The following RDH10 variants were observed in gnomAD, a reference collection of about 807,000 sequenced individuals.
RDH10 encodes retinol dehydrogenase 10.
RDH10 carries 12 observed loss-of-function variants against 30.2 expected under a neutral mutation model. The observed-to-expected ratio is 0.40, with a 90% CI of 0.25 to 0.64. RDH10 has a LOEUF of 0.64. RDH10 is among the 30% of genes least tolerant of loss of function. RDH10 has a pLI of 0.43. For missense variants in RDH10, 268 were observed against 445.2 expected (o/e 0.60, Z 3.58); for synonymous variants, 189 against 172.2 (o/e 1.10, Z -0.76).
chr8:73,311,843 A>G (rs1814569601), intron 2 of RDH10: 1 of 152,238 alleles, frequency 6.6e-6, no homozygotes, highest in South Asian at 2.1e-4. Flanking sequence ...TTCTGTCTCT[A>G]CAAACATACC....
chr8:73,312,319 T>C (rs1193905937), intron 2 of RDH10: 2 of 152,230 alleles, frequency 1.3e-5, no homozygotes, highest in African/African-American at 4.8e-5. Context: ...GATGGCTTTT[T>C]TGAATTGATC....
intron 2 of RDH10, among the ~76,000 whole-genome samples, chr8:73,317,012 G>A (rs1223116739): frequency 1.3e-5 from 2 of 152,044 alleles, no homozygotes; most frequent in African/African-American, 2.4e-5. Context: ...GATCCAAACC[G>A]TATCACTAGC....
At position 73,300,711 on chromosome 8, in the gene RDH10, C is replaced by T. The variant is rs547708205; in HGVS notation, c.525+3282C>T. On this transcript the variant is annotated intron_variant, in intron 2 of 5. Coordinates refer to ENST00000240285, the MANE Select transcript of RDH10 (RefSeq NM_172037.5). ...AAGCTGTGGGCACTCCCAAACCAGTCCACATGCTATTCCCTCTACCTGAAA... is the reference window on the plus strand; with the variant it reads ...AAGCTGTGGGCACTCCCAAACCAGTTCACATGCTATTCCCTCTACCTGAAA... Among the ~76,000 whole-genome samples the T allele has an allele frequency of 2.0e-5, 3 of 152,336 alleles. No homozygotes were observed. In the South Asian group the frequency reaches 6.2e-4, roughly 32 times the overall value.
At chr8:73,297,999 G>T (rs2130354578) in intron 2 of RDH10, 1 of 158,046 alleles carries the variant, frequency 6.3e-6, no homozygotes, top group South Asian at 1.8e-4. Flanking sequence ...ACCCTAATAG[G>T]ACCCTAGAGA....
Position 73,321,024 on chromosome 8 carries a change from C to T in RDH10, c.717C>T (p.Thr239=). ...KAAEKDGIKT[T]LVCPYLVDTG... ...CTGAAAAGGATGGAATTAAAACAAC[C>T]TTGGTTTGCCCTTATCTTGTAGACA... Residue 239 remains threonine (T), a synonymous_variant, in exon 4 of 6, where the codon ACC becomes ACT. Coordinates refer to ENST00000240285, the MANE Select transcript of RDH10 (RefSeq NM_172037.5). The T allele has an allele frequency of 5.6e-6, 9 of 1,614,136 alleles. No individual in the cohort carries two copies. Among genetic ancestry groups the T allele is most frequent in the Non-Finnish European group, 7.6e-6 (9 of 1,179,990 alleles).
intron 1 of RDH10, among the ~76,000 whole-genome samples, chr8:73,296,310 T>C (rs1013380997): frequency 4.2e-4 from 64 of 152,160 alleles, no homozygotes; most frequent in African/African-American, 1.5e-3. Context: ...AATTTGATAA[T>C]GGCTGTTGGT....
chr8:73,295,462 G>T lies in RDH10; in HGVS notation c.173G>T (p.Arg58Leu). 6.4e-7 allele frequency: 1 copy of T among 1,551,336 alleles called. No homozygotes were observed. The highest frequency in any genetic ancestry group is 2.4e-5 in the East Asian group (1 of 41,148). Residue 58 changes from arginine (R) to leucine (L), a missense_variant, in exon 1 of 6, where the codon CGG becomes CTG. Arg to Leu is a moderately radical substitution (Grantham distance 102). Coordinates refer to ENST00000240285, the MANE Select transcript of RDH10 (RefSeq NM_172037.5). Reference protein sequence around the residue: ...LGRLFALEFARRRALLVLWDI... With the variant: ...LGRLFALEFALRRALLVLWDI... Reference sequence around the variant, plus strand: ...CGCCTCTTCGCGCTGGAGTTCGCCCGGCGTCGGGCGCTGCTGGTGCTGTGG... The same window carrying T: ...CGCCTCTTCGCGCTGGAGTTCGCCCTGCGTCGGGCGCTGCTGGTGCTGTGG...
chr8:73,304,316 A>C (rs984988635), intron 2 of RDH10, among the ~76,000 whole-genome samples: 2 of 152,026 alleles, frequency 1.3e-5, no homozygotes, highest in African/African-American at 4.8e-5. Flanking sequence ...CCAAATCCTG[A>C]CTATTTGCTT....
At chr8:73,306,772 G>C (rs1001995716) in intron 2 of RDH10, among the ~76,000 whole-genome samples, 1 of 152,180 alleles carries the variant, frequency 6.6e-6, no homozygotes, top group African/African-American at 2.4e-5. Context: ...CATGCTGCTT[G>C]CATAAAATGT....
chr8:73,297,119 G>C, intron 1 of RDH10, 75 bp from the exon 2 acceptor site: 2 of 838,268 alleles, frequency 2.4e-6, no homozygotes, highest in Non-Finnish European at 4.1e-6. Context: ...TTGTCCTACT[G>C]ATCGCCATGT....
At chr8:73,321,853 G>A (rs1407815202) in intron 4 of RDH10, 1 of 456,248 alleles carries the variant, frequency 2.2e-6, no homozygotes, top group Admixed American at 2.3e-5. Context: ...CAAAATAGGT[G>A]GAAGGTGATT....
At chr8:73,320,030 C>A (rs1211950470) in intron 3 of RDH10, among the ~76,000 whole-genome samples, 1 of 152,160 alleles carries the variant, frequency 6.6e-6, no homozygotes, top group Non-Finnish European at 1.5e-5. Context: ...TGAAGTTGGG[C>A]CATGGACAAT....
At chr8:73,306,299 A>G (rs1348335214) in intron 2 of RDH10, among the ~76,000 whole-genome samples, 1 of 152,242 alleles carries the variant, frequency 6.6e-6, no homozygotes, top group African/African-American at 2.4e-5. Context: ...AGGGGACGCA[A>G]ACCTTTTCAT....
At chr8:73,313,689 A>T (rs1158977866) in intron 2 of RDH10, among the ~76,000 whole-genome samples, 1 of 152,064 alleles carries the variant, frequency 6.6e-6, no homozygotes, top group Non-Finnish European at 1.5e-5. Flanking sequence ...TGACTTTGAG[A>T]CCCCCTAGAT....
At chr8:73,321,148 A>AC in intron 4 of RDH10, 71 bp downstream of exon 4, 2 of 1,291,154 alleles carry the variant, frequency 1.5e-6, no homozygotes, top group Admixed American at 2.1e-5. Context: ...GGACTTTCAA[A>AC]CATAACCTTG....
intron 2 of RDH10, among the ~76,000 whole-genome samples, chr8:73,305,101 T>C (rs1814444656): frequency 6.6e-6 from 1 of 152,254 alleles, no homozygotes; most frequent in African/African-American, 2.4e-5. Flanking sequence ...ACTGACTGAA[T>C]AGCTTTCTCA....
In RDH10 at chr8:73,324,933, A is replaced by G. The variant is rs1445247410; in HGVS notation, c.*1897A>G. The G allele has an allele frequency of 6.6e-6, 1 of 152,206 alleles. No homozygotes were observed. Among genetic ancestry groups the G allele is most frequent in the Non-Finnish European group, 1.5e-5 (1 of 68,036 alleles). 9.4% of individuals were successfully genotyped at this position (152,206 alleles called of 1,614,324 possible). On this transcript the variant is annotated 3_prime_UTR_variant, in exon 6 of 6. Coordinates refer to ENST00000240285, the MANE Select transcript of RDH10 (RefSeq NM_172037.5). ...TATATGTTTCCATTTCTCTTTATCA[A>G]AGATAACCAAACCTTATGGCCCTTA... is the stretch of plus-strand genomic sequence containing the variant.
chr8:73,307,497 C>T (rs1814483893), intron 2 of RDH10, among the ~76,000 whole-genome samples: 2 of 152,170 alleles, frequency 1.3e-5, no homozygotes, highest in Admixed American at 1.3e-4. Context: ...TTTTATATAG[C>T]ACTTAAATTT....
chr8:73,304,565 C>G (rs1487570189), intron 2 of RDH10, among the ~76,000 whole-genome samples: 1 of 152,102 alleles, frequency 6.6e-6, no homozygotes, highest in Non-Finnish European at 1.5e-5. Flanking sequence ...GCATCCTGGG[C>G]CTTCCAAAGC....
Sources: allele counts gnomAD v4.1 joint callset (sites outside exome capture counted in the v4.1 genomes callset), GRCh38; gene constraint gnomAD v4.1.1; transcripts MANE v1.5; gene names NCBI Gene and HGNC (gene_info 2026-07-23, HGNC 2026-07-21).